Variants in TXNDC11 observed in about 807,000 individuals in gnomAD.
The protein encoded by TXNDC11 is thioredoxin domain containing 11.
A neutral mutation model predicts 78.0 loss-of-function variants in TXNDC11; 68 were observed. The observed-to-expected ratio is 0.87, with a 90% confidence interval of 0.72 to 1.07. The LOEUF is 1.07. Ranked by LOEUF, TXNDC11 falls within the 50% of genes least tolerant of loss-of-function variation. The pLI is 0.00. For missense variants in TXNDC11, 1,389 were observed against 1,221.8 expected, an observed-to-expected ratio of 1.14 and a Z score of -2.04; for synonymous variants, 571 against 495.2, an observed-to-expected ratio of 1.15 and a Z score of -2.03.
chr16:11,741,944 A>AC (rs2141136545), intron 1 of TXNDC11: 1 of 152,318 alleles, frequency 6.6e-6, no homozygotes, highest in South Asian at 2.1e-4. Flanking sequence ...AGGCAGAAGA[A>AC]CCCCTTGAAC....
At position 11,742,417 on chromosome 16, in the gene TXNDC11, C is replaced by A. The variant is rs922049642; in HGVS notation, c.254+60G>T. On this transcript the variant is annotated intron_variant, in intron 1 of 11. Transcript: ENST00000283033. ...GGCCGCTGCGACCCGGCCCTGCAGG[C>A]TCCAGGCGGCAGAGCAAGGGGAGCG... 6 of 1,301,318 alleles carry A rather than the reference C, an allele frequency of 4.6e-6. No individual in the cohort carries two copies. In the East Asian group the frequency reaches 9.4e-5, roughly 20 times the overall value. The allele number at this position is 1,301,318 out of a possible 1,614,324, so 80.6% of individuals were successfully genotyped here.
chr16:11,691,269 G>A (rs555632910), intron 8 of TXNDC11, 21 bp downstream of exon 8: 2 of 1,586,568 alleles, frequency 1.3e-6, no homozygotes, highest in South Asian at 2.3e-5. Flanking sequence ...AATGCTTGGG[G>A]AAATAAACTG....
chr16:11,684,088 C>T, intron 11 of TXNDC11, 77 bp downstream of exon 11: 1 of 1,023,406 alleles, frequency 9.8e-7, no homozygotes. Context: ...GAATGATTTA[C>T]ATCTTAAACC....
At chr16:11,687,074 GA>G (rs2050585911) in intron 10 of TXNDC11, among the ~76,000 whole-genome samples, 1 of 152,070 alleles carries the variant, frequency 6.6e-6, no homozygotes, top group Non-Finnish European at 1.5e-5. Context: ...AGAGACACTG[GA>G]AAATATATTA....
chr16:11,729,246 G>A (rs1483973889), intron 4 of TXNDC11, among the ~76,000 whole-genome samples: 1 of 152,182 alleles, frequency 6.6e-6, no homozygotes, highest in Non-Finnish European at 1.5e-5. Flanking sequence ...CAGTGAGTGT[G>A]CCAAAGGGAT....
At chr16:11,720,432 T>TC (rs1291167987) in intron 5 of TXNDC11, among the ~76,000 whole-genome samples, 1 of 151,656 alleles carries the variant, frequency 6.6e-6, no homozygotes, top group African/African-American at 2.4e-5. Flanking sequence ...TTTTTTTTTT[T>TC]TGAGACAGAG....
At chr16:11,699,056 G>GAAGCAC (rs929031901) in intron 6 of TXNDC11, among the ~76,000 whole-genome samples, 1 of 152,046 alleles carries the variant, frequency 6.6e-6, no homozygotes, top group Non-Finnish European at 1.5e-5. Flanking sequence ...CTACCAAAGG[G>GAAGCAC]GTGCTTCAGA....
intron 4 of TXNDC11, among the ~76,000 whole-genome samples, chr16:11,724,098 C>G (rs989983014): frequency 2.0e-5 from 3 of 152,112 alleles, no homozygotes; most frequent in Admixed American, 1.3e-4. Flanking sequence ...CCTTGGCCAG[C>G]CTGGTGAAAT....
chr16:11,683,301 G>A (rs1386018758), intron 11 of TXNDC11, among the ~76,000 whole-genome samples: 1 of 152,204 alleles, frequency 6.6e-6, no homozygotes, highest in Non-Finnish European at 1.5e-5. Flanking sequence ...TTAGGCAAGT[G>A]TGAAAAAATC....
At chr16:11,738,857 A>T (rs1026587510) in intron 1 of TXNDC11, among the ~76,000 whole-genome samples, 1 of 152,014 alleles carries the variant, frequency 6.6e-6, no homozygotes, top group African/African-American at 2.4e-5. Context: ...GGGAAACCCC[A>T]TTTCTACTAA....
intron 5 of TXNDC11, among the ~76,000 whole-genome samples, chr16:11,707,912 A>G (rs889485753): frequency 1.3e-5 from 2 of 151,764 alleles, no homozygotes; most frequent in African/African-American, 4.8e-5. Context: ...GTGAGACCCT[A>G]GCTCTAAAAA....
chr16:11,698,644 G>A (rs2050924984), intron 6 of TXNDC11, among the ~76,000 whole-genome samples: 1 of 152,234 alleles, frequency 6.6e-6, no homozygotes, highest in Admixed American at 6.5e-5. Context: ...CCCTGTCCAA[G>A]GACAGGTATT....
At chr16:11,734,888 T>TG (rs1289312142) in intron 2 of TXNDC11, among the ~76,000 whole-genome samples, 2 of 152,170 alleles carry the variant, frequency 1.3e-5, no homozygotes, top group Non-Finnish European at 2.9e-5. Context: ...CTACAATGAC[T>TG]GGGGGAAGCT....
chr16:11,679,183 T>C lies in TXNDC11; in HGVS notation c.*12A>G. 1 of 1,610,312 alleles carries C rather than the reference T, an allele frequency of 6.2e-7. No homozygotes were observed. The highest frequency in any genetic ancestry group is 1.3e-5 in the African/African-American group (1 of 74,870). On this transcript the variant is annotated 3_prime_UTR_variant, in exon 12 of 12. Transcript: ENST00000283033. The surrounding 1 kb of genome is among the most constrained non-coding windows in gnomAD (Gnocchi z 4.6). The stretch of plus-strand genomic sequence containing the variant: ...AATTTTCACCTCTGATTTCTTCATA[T>C]CATTTAAAAAGTTAGTCTGTCCTGT...
chr16:11,692,367 T>C (rs2050745198), intron 7 of TXNDC11: 1 of 339,868 alleles, frequency 2.9e-6, no homozygotes, highest in Non-Finnish European at 5.3e-6. Flanking sequence ...CCAACGCAGT[T>C]ATCAGATCAA....
intron 1 of TXNDC11, among the ~76,000 whole-genome samples, chr16:11,737,543 C>G (rs72782714): frequency 2.6e-5 from 4 of 151,470 alleles, no homozygotes; most frequent in African/African-American, 9.7e-5. Context: ...TAGACTTAAA[C>G]CCAACTACCT....
At chr16:11,692,863 G>A (rs2050759230) in intron 7 of TXNDC11, among the ~76,000 whole-genome samples, 1 of 152,088 alleles carries the variant, frequency 6.6e-6, no homozygotes, top group Admixed American at 6.5e-5. Context: ...AACAGACCAG[G>A]CCCTCCTGCA....
intron 5 of TXNDC11, among the ~76,000 whole-genome samples, chr16:11,712,168 A>G (rs1201315060): frequency 6.6e-6 from 1 of 152,220 alleles, no homozygotes; most frequent in Non-Finnish European, 1.5e-5. Flanking sequence ...GGTAGAAAAT[A>G]TCACTACATA....
intron 5 of TXNDC11, among the ~76,000 whole-genome samples, chr16:11,701,821 G>C (rs909336602): frequency 1.3e-5 from 2 of 152,044 alleles, no homozygotes; most frequent in African/African-American, 4.8e-5. Context: ...AAGGCAAAAC[G>C]GCACAGCCAC....
Sources: allele counts gnomAD v4.1 joint callset (sites outside exome capture counted in the v4.1 genomes callset), GRCh38; gene constraint gnomAD v4.1.1; non-coding constraint Gnocchi (gnomAD v3.1); transcripts MANE v1.5; gene names NCBI Gene and HGNC (gene_info 2026-07-23, HGNC 2026-07-21).